Variants in PVT1 observed in about 807,000 individuals in gnomAD.
The protein encoded by PVT1 is CXCR4/PVT1 fusion.
At chr8:128,074,555 C>T (rs558883356) in intron 5 of PVT1, among the ~76,000 whole-genome samples, 41 of 150,800 alleles carry the variant, frequency 2.7e-4, no homozygotes, top group Admixed American at 4.6e-4. Flanking sequence ...CTCCTTCCCA[C>T]TCATTTCTCC....
chr8:128,060,506 A>G (rs1255483376), intron 4 of PVT1, among the ~76,000 whole-genome samples: 8 of 152,260 alleles, frequency 5.3e-5, no homozygotes, highest in Admixed American at 5.2e-4. Flanking sequence ...TCTGATGAAT[A>G]GTTCCTGGAC....
intron 2 of PVT1, among the ~76,000 whole-genome samples, chr8:127,853,645 G>C (rs1459471108): frequency 6.6e-6 from 1 of 152,016 alleles, no homozygotes; most frequent in African/African-American, 2.4e-5. Context: ...GTTGGGTGTG[G>C]TGGTGGGTGC....
chr8:127,922,049 C>T (rs1354038351), intron 3 of PVT1, among the ~76,000 whole-genome samples: 2 of 151,252 alleles, frequency 1.3e-5, no homozygotes, highest in Admixed American at 6.6e-5. Flanking sequence ...TTAGTAGAGA[C>T]GGTGTTTCAC....
At chr8:127,935,212 C>T (rs370156472) in intron 3 of PVT1, among the ~76,000 whole-genome samples, 9 of 152,108 alleles carry the variant, frequency 5.9e-5, no homozygotes, top group South Asian at 2.1e-4. Context: ...GTGATCTGCC[C>T]GCCTCGGCCT....
chr8:127,862,689 T>C (rs1043773582), intron 2 of PVT1, among the ~76,000 whole-genome samples: 4 of 152,150 alleles, frequency 2.6e-5, no homozygotes, highest in Non-Finnish European at 5.9e-5. Flanking sequence ...GCTGGAATTA[T>C]GGGTTGAGCC....
chr8:127,876,643 G>A (rs1272624648), intron 2 of PVT1, among the ~76,000 whole-genome samples: 1 of 152,074 alleles, frequency 6.6e-6, no homozygotes, highest in African/African-American at 2.4e-5. Flanking sequence ...AGTTCTGAAG[G>A]GATGGGGACT....
At chr8:127,921,610 G>A (rs1332208318) in intron 3 of PVT1, among the ~76,000 whole-genome samples, 1 of 152,034 alleles carries the variant, frequency 6.6e-6, no homozygotes, top group African/African-American at 2.4e-5. Flanking sequence ...CCAGGAGTTT[G>A]AGACCAGTCT....
intron 3 of PVT1, among the ~76,000 whole-genome samples, chr8:127,912,502 C>T (rs1001647071): frequency 2.0e-5 from 3 of 152,152 alleles, no homozygotes; most frequent in South Asian, 2.1e-4. Context: ...CAGCCCTCCA[C>T]GATGGAAGGG....
chr8:128,059,594 G>A (rs1250471924), intron 4 of PVT1, among the ~76,000 whole-genome samples: 1 of 152,200 alleles, frequency 6.6e-6, no homozygotes, highest in Non-Finnish European at 1.5e-5. Flanking sequence ...TCCTATGGCT[G>A]CATTATGTTA....
At chr8:128,062,675 TG>T (rs1391724888) in intron 4 of PVT1, among the ~76,000 whole-genome samples, 1 of 152,230 alleles carries the variant, frequency 6.6e-6, no homozygotes, top group Non-Finnish European at 1.5e-5. Flanking sequence ...CACCATTACT[TG>T]GGGGAGGATG....
At chr8:127,992,258 C>G (rs775083425) in intron 4 of PVT1, among the ~76,000 whole-genome samples, 1 of 152,094 alleles carries the variant, frequency 6.6e-6, no homozygotes, top group African/African-American at 2.4e-5. Flanking sequence ...TGGTGGCACA[C>G]GCCTGTAATC....
intron 5 of PVT1, among the ~76,000 whole-genome samples, chr8:128,089,594 C>G (rs1814323199): frequency 6.6e-6 from 1 of 152,138 alleles, no homozygotes; most frequent in African/African-American, 2.4e-5. Context: ...TCAACATTGC[C>G]CCTGCCCTTC....
intron 2 of PVT1, among the ~76,000 whole-genome samples, chr8:127,796,543 A>G (rs1169299171): frequency 6.6e-6 from 1 of 151,988 alleles, no homozygotes; most frequent in Non-Finnish European, 1.5e-5. Flanking sequence ...TGTGTTTGCC[A>G]TGCCTGGGCC....
chr8:127,844,592 G>A (rs904687409), intron 2 of PVT1, among the ~76,000 whole-genome samples: 17 of 152,194 alleles, frequency 1.1e-4, no homozygotes, highest in South Asian at 2.1e-4. Context: ...GGCTGCCAGA[G>A]ATCCCTGTGT....
intron 4 of PVT1, among the ~76,000 whole-genome samples, chr8:128,031,026 C>T (rs904120659): frequency 2.0e-5 from 3 of 152,260 alleles, no homozygotes; most frequent in East Asian, 1.9e-4. Context: ...TCCCAACCAT[C>T]GTGTTGACAG....
intron 2 of PVT1, among the ~76,000 whole-genome samples, chr8:127,861,513 CCTT>C (rs1245993881): frequency 6.6e-6 from 1 of 152,144 alleles, no homozygotes; most frequent in East Asian, 1.9e-4. Flanking sequence ...CAATAGTCAC[CCTT>C]AACATCTTGT....
chr8:127,875,090 G>A (rs1454125047), intron 2 of PVT1, among the ~76,000 whole-genome samples: 1 of 152,168 alleles, frequency 6.6e-6, no homozygotes, highest in Non-Finnish European at 1.5e-5. Context: ...ATTGCTAGTT[G>A]CACTCAGTTT....
rs60359946 is a variant in PVT1 at position 127,914,260 on chromosome 8, C to CAAAAAAAAAAAAAA, written n.782+23289_782+23302dup. ...AATTAAACACCACCACCACCAACAGCAAAAAAAAAAAAAAAAAAAAAAAAA... is the reference window on the plus strand; with the variant it reads ...AATTAAACACCACCACCACCAACAGCAAAAAAAAAAAAAAAAAAAAAAAAAAAAAAAAAAAAAAA... On this transcript the variant is annotated intron_variant and non_coding_transcript_variant, in intron 3 of 10. Coordinates refer to ENST00000651587, the Ensembl canonical transcript of PVT1. Among the ~76,000 whole-genome samples, 20 of 47,860 alleles carry CAAAAAAAAAAAAAA rather than the reference C, an allele frequency of 4.2e-4. 2 individuals carry two copies. The highest frequency in any genetic ancestry group is 6.8e-4 in the Non-Finnish European group (15 of 22,028). The allele number at this position is 47,860 out of a possible 152,430, so 31.4% of individuals were successfully genotyped here.
chr8:127,808,284 G>A (rs151234464), intron 2 of PVT1, among the ~76,000 whole-genome samples: 307 of 152,186 alleles, frequency 2.0e-3, no homozygotes, highest in African/African-American at 7.2e-3. Context: ...CTGACCTCTG[G>A]TGATCTACCT....
Sources: gnomAD v4.1 joint callset for allele counts (sites outside exome capture counted in the v4.1 genomes callset) on GRCh38, gnomAD v4.1.1 for gene constraint, MANE v1.5 for transcripts, NCBI Gene and HGNC (gene_info 2026-07-23, HGNC 2026-07-21) for gene names.